Variants in SCYL1 observed in about 807,000 individuals in gnomAD.
The protein encoded by SCYL1 is SCY1 like pseudokinase 1.
In SCYL1, 85 loss-of-function variants were observed where a neutral mutation model predicts 94.8. The ratio of observed to expected loss-of-function variants is 0.90; its 90% CI spans 0.75 to 1.07. The LOEUF (loss-of-function observed/expected upper bound fraction) is 1.07. SCYL1 is among the 50% of genes least tolerant of loss of function. The probability of loss-of-function intolerance (pLI) is 0.00; values close to 1 mark genes in which losing one functional copy is unlikely to be tolerated. For synonymous variants in SCYL1, 459 were observed against 435.5 expected (o/e 1.05, Z -0.67); for missense variants, 968 against 1,083.3 (o/e 0.89, Z 1.49).
rs1050154207 is a variant in SCYL1, at chr11:65,538,490, G to A, written c.2351G>A (p.Arg784Gln). ...LARKKREERR[R>Q]EMEAKRAERK... is the part of the protein sequence containing the mutation. ...CGGAAGAAGCGCGAGGAGCGGCGGCGGGAGATGGAGGCCAAACGCGCCGAG... is the reference window on the plus strand; with the variant it reads ...CGGAAGAAGCGCGAGGAGCGGCGGCAGGAGATGGAGGCCAAACGCGCCGAG... The change falls in exon 18 of 18, where the codon CGG becomes CAG. Residue 784 changes from arginine (R) to glutamine (Q), a missense_variant. Around this residue, in one of 2 missense-constraint regions of SCYL1, gnomAD observed 474 missense variants for 463.6 expected, o/e 1.02. Transcript: ENST00000270176. The A allele has an allele frequency of 1.9e-6, 3 of 1,598,200 alleles. No homozygotes were observed. Among genetic ancestry groups the A allele is most frequent in the African/African-American group, 2.7e-5 (2 of 74,722 alleles).
Position 65,536,270 on chromosome 11 carries a change from C to T in SCYL1, c.1587C>T (p.Ala529=). 1.2e-6 allele frequency: 2 copies of T among 1,614,090 alleles called. No homozygotes were observed. Among genetic ancestry groups the T allele is most frequent in the Non-Finnish European group, 1.7e-6 (2 of 1,179,948 alleles). The stretch of plus-strand genomic sequence containing the variant: ...TCGTTACCCCACAGGCCTTCAAGGC[C>T]ATTCGGAGCTTCCTGTCCAAATTGG... The part of the protein sequence containing the change: ...EKSVRDQAFK[A]IRSFLSKLES... Residue 529 remains alanine (A), a synonymous_variant, in exon 12 of 18, where the codon GCC becomes GCT. Transcript: ENST00000270176.
Position 65,538,022 on chromosome 11 carries a change from G to T in SCYL1, c.2087G>T (p.Trp696Leu). 2 of 1,612,680 alleles carry T rather than the reference G, an allele frequency of 1.2e-6. No homozygotes were observed. The highest frequency in any genetic ancestry group is 1.7e-5 in the Admixed American group (1 of 59,814). The change falls in exon 16 of 18, where the codon TGG (tryptophan) becomes TTG (leucine). Residue 696 changes from tryptophan to leucine, a missense_variant. Transcript: ENST00000270176. ...TCCCCAGAGTCCGACTGGAGCAGCT[G>T]GGAAGCTGAGGGCTCCTGGGAACAG... The part of the protein sequence containing the change: ...SKSPESDWSS[W>L]EAEGSWEQGW...
In SCYL1 at chr11:65,536,709, C is replaced by T. The variant is rs1855664691; in HGVS notation, c.1775C>T (p.Ala592Val). The change falls in exon 13 of 18, where the codon GCC becomes GTC. Residue 592 changes from alanine to valine, a missense_variant. Ala to Val is a moderately conservative substitution (Grantham distance 64). Transcript: ENST00000270176. ...SKLIRSHPTT[A>V]PTETNIPQRP... is the part of the protein sequence containing the mutation. ...CTGATCCGTTCGCACCCAACCACTG[C>T]CCCAACAGAAACCAACATTCCCCAA... 6.2e-7 allele frequency: 1 copy of T among 1,609,972 alleles called. No homozygotes were observed. The highest frequency in any genetic ancestry group is 1.3e-5 in the African/African-American group (1 of 74,858).
At chr11:65,535,523 C>T in intron 10 of SCYL1, 141 bp downstream of exon 10, 2 of 1,112,736 alleles carry the variant, frequency 1.8e-6, no homozygotes, top group South Asian at 3.1e-5. Context: ...TATCTGGGTT[C>T]CCAGAGGAGG....
rs751602298 is a variant in SCYL1 at position 65,526,844 on chromosome 11, C to T, written c.664C>T (p.Arg222Trp). The change falls in exon 5 of 18, where the codon CGG becomes TGG. Residue 222 changes from arginine (R) to tryptophan (W), a missense_variant. Arg to Trp is a moderately radical substitution (Grantham distance 101). Transcript: ENST00000270176. The surrounding 1 kb of genome is among the most constrained non-coding windows in gnomAD (Gnocchi z 4.1). ...GGAAGTCTTCAATGGGCCCCTACCTCGGGCAGCAGCCCTACGCAACCCTGG... is the reference window on the plus strand; with the variant it reads ...GGAAGTCTTCAATGGGCCCCTACCTTGGGCAGCAGCCCTACGCAACCCTGG... ...IWEVFNGPLP[R>W]AAALRNPGKI... is the part of the protein sequence containing the mutation. 1.5e-5 allele frequency: 24 copies of T among 1,613,214 alleles called. No individual in the cohort carries two copies. Among genetic ancestry groups the T allele is most frequent in the Non-Finnish European group, 1.7e-5 (20 of 1,179,954 alleles).
At position 65,537,817 on chromosome 11, in the gene SCYL1, C is replaced by T. The variant is rs995763825; in HGVS notation, c.1968C>T (p.Ala656=). The T allele has an allele frequency of 9.0e-6, 14 of 1,563,756 alleles. No individual in the cohort carries two copies. The highest frequency in any genetic ancestry group is 9.5e-6 in the Non-Finnish European group (11 of 1,153,722). ...DEDWGSLEQE[A]ESVLAQQDDW... ...CCCTTCCCACACTGCAGCAGGAGGCCGAGTCTGTGCTGGCCCAGCAGGACG... is the reference window on the plus strand; with the variant it reads ...CCCTTCCCACACTGCAGCAGGAGGCTGAGTCTGTGCTGGCCCAGCAGGACG... The change falls in exon 15 of 18, where the codon GCC becomes GCT. Residue 656 remains alanine (A), a synonymous_variant. Coordinates refer to ENST00000270176, the MANE Select transcript of SCYL1 (RefSeq NM_020680.4).
rs548919197 is a variant in SCYL1, at chr11:65,537,227, C to T, written c.1959+99C>T. 4.0e-5 allele frequency: 54 copies of T among 1,337,392 alleles called. No individual in the cohort carries two copies. The African/African-American group carries it at 7.4e-4, about 18-fold the overall frequency. 82.8% of individuals were successfully genotyped at this position (1,337,392 alleles called of 1,614,324 possible). A position where few individuals can be genotyped will look rare whatever the true frequency, so the allele number is the denominator to read the frequency against. On this transcript the variant is annotated intron_variant, in intron 14 of 17. Coordinates refer to ENST00000270176, the MANE Select transcript of SCYL1 (RefSeq NM_020680.4). ...TGGGGCCTGGCTGGAGTTGGCCTGT[C>T]CTCATCAGCACAGCATCCCTGGCAC...
rs1855106768 is a variant in SCYL1, at chr11:65,526,836, C to T, written c.656C>T (p.Pro219Leu). The T allele has an allele frequency of 1.2e-6, 2 of 1,613,290 alleles. No individual in the cohort carries two copies. The highest frequency in any genetic ancestry group is 1.7e-6 in the Non-Finnish European group (2 of 1,179,948). The change falls in exon 5 of 18, where the codon CCC becomes CTC. Residue 219 changes from proline (P) to leucine (L), a missense_variant. Transcript: ENST00000270176. This position sits in a 1 kb window ranked among gnomAD's most constrained non-coding sequence, Gnocchi z 4.1. ...CTCATTTGGGAAGTCTTCAATGGGC[C>T]CCTACCTCGGGCAGCAGCCCTACGC... is the stretch of plus-strand genomic sequence containing the variant. The part of the protein sequence containing the change: ...GCLIWEVFNG[P>L]LPRAAALRNP...
At chr11:65,533,951 T>C (rs1289281934) in intron 9 of SCYL1, among the ~76,000 whole-genome samples, 1 of 152,034 alleles carries the variant, frequency 6.6e-6, no homozygotes, top group Non-Finnish European at 1.5e-5. Context: ...AAAAAATGGC[T>C]GGGCCCGGTT....
intron 6 of SCYL1, 49 bp from the exon 7 acceptor site, chr11:65,530,580 G>C: frequency 6.3e-7 from 1 of 1,577,366 alleles, no homozygotes; most frequent in Non-Finnish European, 8.6e-7. Flanking sequence ...CTGGGTTTGG[G>C]CTGCAACCAG....
In SCYL1 at chr11:65,538,118, G is replaced by T. The variant is rs748925905; in HGVS notation, c.2183G>T (p.Gly728Val). 1.9e-6 allele frequency: 3 copies of T among 1,603,588 alleles called. No homozygotes were observed. Among genetic ancestry groups the T allele is most frequent in the Non-Finnish European group, 2.6e-6 (3 of 1,175,668 alleles). Residue 728 changes from glycine (G) to valine (V), a missense_variant, in exon 16 of 18, where the codon GGT becomes GTT. Coordinates refer to ENST00000270176, the MANE Select transcript of SCYL1 (RefSeq NM_020680.4). Reference protein sequence around the residue: ...GTRLASEYNWGGPESSDKGDP... With the variant: ...GTRLASEYNWVGPESSDKGDP... ...CGGCTGGCCAGCGAGTATAACTGGGGTGGCCCAGAGTCCAGCGACAAGGGC... is the reference window on the plus strand; with the variant it reads ...CGGCTGGCCAGCGAGTATAACTGGGTTGGCCCAGAGTCCAGCGACAAGGGC...
chr11:65,535,692 G>A (rs1855601791), intron 10 of SCYL1: 2 of 578,976 alleles, frequency 3.5e-6, no homozygotes, highest in South Asian at 2.3e-5. Context: ...AGCTGGGCAG[G>A]GAGGAAGGGA....
At chr11:65,537,774 G>A in intron 14 of SCYL1, 35 bp from the exon 15 acceptor site, 2 of 1,505,838 alleles carry the variant, frequency 1.3e-6, no homozygotes, top group Non-Finnish European at 1.8e-6. Flanking sequence ...CCTTTAGCAT[G>A]GGGTGGGAGT....
chr11:65,527,667 GGT>G (rs1177700959), intron 6 of SCYL1, among the ~76,000 whole-genome samples: 3 of 151,158 alleles, frequency 2.0e-5, no homozygotes, highest in African/African-American at 7.3e-5. Flanking sequence ...AGGAGACGGA[GGT>G]TGCAGTGAGC....
At chr11:65,534,389 G>A (rs1311273681) in intron 9 of SCYL1, among the ~76,000 whole-genome samples, 1 of 152,182 alleles carries the variant, frequency 6.6e-6, no homozygotes, top group Non-Finnish European at 1.5e-5. Flanking sequence ...TCCAGCCTGG[G>A]TGACAGAGTG....
intron 6 of SCYL1, 57 bp from the exon 7 acceptor site, chr11:65,530,571 TG>T: frequency 6.4e-7 from 1 of 1,561,774 alleles, no homozygotes; most frequent in Non-Finnish European, 8.7e-7. Context: ...CACCCATGGC[TG>T]GGTTTGGGCT....
Position 65,538,444 on chromosome 11 carries a change from C to G in SCYL1, c.2305C>G (p.Gln769Glu). 6.4e-7 allele frequency: 1 copy of G among 1,557,342 alleles called. No homozygotes were observed. Among genetic ancestry groups the G allele is most frequent in the Non-Finnish European group, 8.7e-7 (1 of 1,152,414 alleles). ...GGGGCTCCCCTTCCTGACGCCAGGA[C>G]AGGTCAAGGCTGAGCTGGCCCGGAA... ...NWEGLETDSR[Q>E]VKAELARKKR... Residue 769 changes from glutamine to glutamate, a missense_variant and splice_region_variant, in exon 18 of 18, where the codon CAG becomes GAG. Gln to Glu is a conservative substitution (Grantham distance 29). Around this residue, in one of 2 missense-constraint regions of SCYL1, gnomAD observed 474 missense variants for 463.6 expected, o/e 1.02. Coordinates refer to ENST00000270176, the MANE Select transcript of SCYL1 (RefSeq NM_020680.4).
Position 65,537,023 on chromosome 11 carries a change from C to T in SCYL1, c.1854C>T (p.Thr618=). 6.2e-7 allele frequency: 1 copy of T among 1,613,458 alleles called. No homozygotes were observed. The highest frequency in any genetic ancestry group is 8.5e-7 in the Non-Finnish European group (1 of 1,179,398). ...PAPAPTPVPA[T]PTTSGHWETQ... ...CAGCCCCCACCCCTGTTCCTGCCACCCCTACAACCTCAGGCCACTGGGAGA... is the reference window on the plus strand; with the variant it reads ...CAGCCCCCACCCCTGTTCCTGCCACTCCTACAACCTCAGGCCACTGGGAGA... Residue 618 remains threonine (T), a synonymous_variant, in exon 14 of 18, where the codon ACC becomes ACT. Transcript: ENST00000270176.
chr11:65,532,943 TG>T (rs1855460144), intron 9 of SCYL1, 138 bp downstream of exon 9: 1 of 650,908 alleles, frequency 1.5e-6, no homozygotes, highest in Non-Finnish European at 2.8e-6. Context: ...AGGCCGTGGG[TG>T]CAGCTCGGCA....
Sources: allele counts gnomAD v4.1 joint callset (sites outside exome capture counted in the v4.1 genomes callset), GRCh38; gene constraint gnomAD v4.1.1; regional missense constraint gnomAD v4.1.1; non-coding constraint Gnocchi (gnomAD v3.1); transcripts MANE v1.5; gene names NCBI Gene and HGNC (gene_info 2026-07-23, HGNC 2026-07-21).